RASGRF2: variants seen among roughly 807,000 people sequenced by gnomAD.
RASGRF2 encodes ras-specific guanine nucleotide-releasing factor 2.
In RASGRF2, 76 loss-of-function variants were observed where a neutral mutation model predicts 151.0. The observed-to-expected ratio is 0.50, with a 90% CI of 0.42 to 0.61. The LOEUF (loss-of-function observed/expected upper bound fraction) is 0.61, where lower values mean the gene tolerates loss of function less well. RASGRF2 is among the 20% of genes least tolerant of loss of function. The pLI is 0.00. For missense variants in RASGRF2, 1,148 were observed against 1,564.6 expected, an observed-to-expected ratio of 0.73 and a Z score of 4.49; for synonymous variants, 504 against 566.5, an observed-to-expected ratio of 0.89 and a Z score of 1.57.
Position 80,960,978 on chromosome 5 carries a change from C to T in RASGRF2, c.240C>T (p.Pro80=), listed in dbSNP as rs1310344395. ...GCTGCGAACGAACGCCCGCGCCACCCAGGGCCGGCGCCGGGCAGGGAGGCG... is the reference window on the plus strand; with the variant it reads ...GCTGCGAACGAACGCCCGCGCCACCTAGGGCCGGCGCCGGGCAGGGAGGCG... ...GCSCERTPAP[P]RAGAGQGGVR... Residue 80 remains proline (P), a synonymous_variant, in exon 1 of 27, where the codon CCC becomes CCT. Transcript: ENST00000265080. The surrounding 1 kb of genome is among the most constrained non-coding windows in gnomAD (Gnocchi z 5.5). 6.4e-7 allele frequency: 1 copy of T among 1,552,338 alleles called. No homozygotes were observed. The highest frequency in any genetic ancestry group is 8.8e-7 in the Non-Finnish European group (1 of 1,140,642).
At chr5:81,195,844 T>C (rs1269926587) in intron 18 of RASGRF2, among the ~76,000 whole-genome samples, 1 of 152,220 alleles carries the variant, frequency 6.6e-6, no homozygotes, top group Non-Finnish European at 1.5e-5. Flanking sequence ...CATTTCCCCA[T>C]GCTTCTCATC....
intron 14 of RASGRF2, 82 bp downstream of exon 14, chr5:81,112,940 G>A (rs1753041653): frequency 5.2e-6 from 8 of 1,548,648 alleles, no homozygotes; most frequent in Non-Finnish European, 7.0e-6. Context: ...GAGCAGGCCA[G>A]CTCTGCAAAG....
At chr5:81,000,640 G>A (rs1749050743) in intron 1 of RASGRF2, among the ~76,000 whole-genome samples, 1 of 152,138 alleles carries the variant, frequency 6.6e-6, no homozygotes, top group Admixed American at 6.5e-5. Context: ...AAAAGTTAAT[G>A]TGTCAAGAGC....
intron 17 of RASGRF2, among the ~76,000 whole-genome samples, chr5:81,136,799 T>C (rs1422395463): frequency 2.6e-5 from 4 of 152,114 alleles, no homozygotes; most frequent in African/African-American, 7.2e-5. Context: ...TTGGGTTTTT[T>C]CCCCCTTTCC....
chr5:81,201,123 C>T (rs1334573831), intron 18 of RASGRF2, among the ~76,000 whole-genome samples: 4 of 152,062 alleles, frequency 2.6e-5, no homozygotes, highest in African/African-American at 4.8e-5. Flanking sequence ...GGGGAGCCCC[C>T]AGGGGAGCCT....
chr5:81,080,099 A>G (rs749303990), intron 5 of RASGRF2, 22 bp from the exon 6 acceptor site: 1 of 1,592,634 alleles, frequency 6.3e-7, no homozygotes, highest in African/African-American at 1.4e-5. Context: ...ACTAAATTAT[A>G]TTATTTTTCC....
In RASGRF2 at chr5:81,003,218, C is replaced by CTTT. The variant is rs1271321430; in HGVS notation, c.289-39639_289-39637dup. 3.0e-3 allele frequency among the ~76,000 whole-genome samples: 293 copies of CTTT among 97,836 alleles called. 8 individuals are homozygous for CTTT. The highest frequency in any genetic ancestry group is 7.5e-3 in the Middle Eastern group (1 of 134). 64.2% of individuals were successfully genotyped at this position (97,836 alleles called of 152,430 possible). A position where few individuals can be genotyped will look rare whatever the true frequency, so the allele number is the denominator to read the frequency against. On this transcript the variant is annotated intron_variant, in intron 1 of 26. Coordinates refer to ENST00000265080, the MANE Select transcript of RASGRF2 (RefSeq NM_006909.3). ...TATGGATGCATGCCACCACACCTGG[C>CTTT]TTTTTTTTTTTTTTTTTTTTTTGAG... is the stretch of plus-strand genomic sequence containing the variant.
intron 1 of RASGRF2, among the ~76,000 whole-genome samples, chr5:81,027,018 T>C (rs1006432298): frequency 1.3e-5 from 2 of 152,148 alleles, no homozygotes; most frequent in African/African-American, 4.8e-5. Context: ...TCTTATTTTT[T>C]CCCCATTTTT....
chr5:81,198,095 A>G (rs1755307474), intron 18 of RASGRF2, among the ~76,000 whole-genome samples: 1 of 150,866 alleles, frequency 6.6e-6, no homozygotes, highest in Non-Finnish European at 1.5e-5. Flanking sequence ...CTCTCCCCAG[A>G]CTCCCTCCAA....
intron 3 of RASGRF2, 150 bp from the exon 4 acceptor site, chr5:81,070,342 C>G: frequency 1.6e-6 from 1 of 630,310 alleles, no homozygotes; most frequent in East Asian, 2.7e-5. Context: ...CATGTTTCCC[C>G]CATCTCAGCA....
In RASGRF2 at chr5:81,180,322, A is replaced by T. The variant is rs191634020; in HGVS notation, c.2793+41A>T. ...CATTAATTACTTGCAAGGATTTTTT[A>T]AAAAATCATCTTTTTAAGTTGTGAC... On this transcript the variant is annotated intron_variant, in intron 18 of 26. Transcript: ENST00000265080. The T allele has an allele frequency of 6.6e-4, 821 of 1,246,650 alleles. 5 individuals carry two copies. In the African/African-American group the frequency reaches 9.3e-3, roughly 14 times the overall value. The allele number at this position is 1,246,650 out of a possible 1,614,324, so 77.2% of individuals were successfully genotyped here.
intron 17 of RASGRF2, among the ~76,000 whole-genome samples, chr5:81,138,512 C>T (rs1753809128): frequency 6.6e-6 from 1 of 152,204 alleles, no homozygotes; most frequent in African/African-American, 2.4e-5. Context: ...CTCTTCCCCT[C>T]TCCCTGCAAG....
intron 1 of RASGRF2, among the ~76,000 whole-genome samples, chr5:81,033,900 C>G (rs534172529): frequency 6.6e-6 from 1 of 152,322 alleles, no homozygotes; most frequent in African/African-American, 2.4e-5. Flanking sequence ...ATCTACCCAT[C>G]TGACAAATGG....
At chr5:81,222,990 G>A (rs1026463087) in intron 26 of RASGRF2, among the ~76,000 whole-genome samples, 5 of 152,178 alleles carry the variant, frequency 3.3e-5, no homozygotes, top group Admixed American at 6.5e-5. Context: ...CAATTCAAAT[G>A]TAATATAAAA....
rs1200280929 is a variant in RASGRF2, at chr5:81,225,721, A to T, written c.3665A>T (p.Asp1222Val). The T allele has an allele frequency of 6.2e-7, 1 of 1,612,298 alleles. No individual in the cohort carries two copies. Among genetic ancestry groups the T allele is most frequent in the Non-Finnish European group, 8.5e-7 (1 of 1,179,608 alleles). Residue 1222 changes from aspartate to valine, a missense_variant, in exon 27 of 27, where the codon GAT becomes GTT. Asp to Val is a radical substitution (Grantham distance 152). Around this residue, in one of 5 missense-constraint regions of RASGRF2, gnomAD observed 100 missense variants for 148.2 expected, o/e 0.67. Coordinates refer to ENST00000265080, the MANE Select transcript of RASGRF2 (RefSeq NM_006909.3). ...GACAAAGACCTTATCATAGATGAAGATACGCTATATGAGCTGTCACTAAAA... is the reference window on the plus strand; with the variant it reads ...GACAAAGACCTTATCATAGATGAAGTTACGCTATATGAGCTGTCACTAAAA... ...LLDKDLIIDE[D>V]TLYELSLKIE...
chr5:81,021,041 G>A (rs1275195688), intron 1 of RASGRF2, among the ~76,000 whole-genome samples: 6 of 152,226 alleles, frequency 3.9e-5, no homozygotes, highest in Non-Finnish European at 7.3e-5. Flanking sequence ...AGGCTGAGGA[G>A]AGAGCTTGGC....
At chr5:81,153,192 T>G (rs1754175959) in intron 17 of RASGRF2, among the ~76,000 whole-genome samples, 1 of 152,192 alleles carries the variant, frequency 6.6e-6, no homozygotes, top group South Asian at 2.1e-4. Flanking sequence ...ACCCCCAGTA[T>G]GTCTATATCC....
intron 17 of RASGRF2, among the ~76,000 whole-genome samples, chr5:81,136,158 A>C (rs1250392017): frequency 6.6e-6 from 1 of 152,202 alleles, no homozygotes; most frequent in African/African-American, 2.4e-5. Flanking sequence ...TACTTTAAGC[A>C]AAGTTATCTT....
At chr5:81,066,709 A>C (rs890535409) in intron 2 of RASGRF2, among the ~76,000 whole-genome samples, 2 of 152,212 alleles carry the variant, frequency 1.3e-5, no homozygotes, top group African/African-American at 4.8e-5. Flanking sequence ...ATGGCTGCCC[A>C]AAAATGGCAA....
Sources: gnomAD v4.1 joint callset for allele counts (sites outside exome capture counted in the v4.1 genomes callset) on GRCh38, gnomAD v4.1.1 for gene constraint, gnomAD v4.1.1 regional missense constraint, Gnocchi (gnomAD v3.1) non-coding constraint, MANE v1.5 for transcripts, NCBI Gene and HGNC (gene_info 2026-07-23, HGNC 2026-07-21) for gene names.